The following GRIA2 variants were observed in gnomAD, a reference collection of about 807,000 sequenced individuals.
GRIA2 encodes the protein glutamate receptor 2.
GRIA2 carries 14 observed loss-of-function variants against 97.3 expected under a neutral mutation model. The observed-to-expected ratio is 0.14, with a 90% confidence interval of 0.10 to 0.23. GRIA2 has a LOEUF of 0.23. Ranked by LOEUF, GRIA2 falls within the 10% of genes least tolerant of loss-of-function variation. The pLI is 1.00. For synonymous variants in GRIA2, 412 were observed against 387.8 expected, an observed-to-expected ratio of 1.06 and a Z score of -0.73; for missense variants, 558 against 1,069.8, an observed-to-expected ratio of 0.52 and a Z score of 6.67.
chr4:157,286,744 G>A (rs970385586), intron 2 of GRIA2, among the ~76,000 whole-genome samples: 12 of 151,400 alleles, frequency 7.9e-5, no homozygotes, highest in East Asian at 1.9e-4. Context: ...AAATCAATAC[G>A]ATTATAGGTT....
chr4:157,357,511 A>T (rs1736436137), intron 12 of GRIA2, among the ~76,000 whole-genome samples: 1 of 152,166 alleles, frequency 6.6e-6, no homozygotes, highest in Non-Finnish European at 1.5e-5. Flanking sequence ...AGTCTGATTC[A>T]GTATCATCAA....
At chr4:157,339,259 G>T (rs187944521) in intron 11 of GRIA2, among the ~76,000 whole-genome samples, 2 of 151,892 alleles carry the variant, frequency 1.3e-5, no homozygotes, top group Admixed American at 6.6e-5. Context: ...TTTAAAAAAT[G>T]ATTTAGTAGG....
At chr4:157,245,131 T>C (rs1426089947) in intron 2 of GRIA2, among the ~76,000 whole-genome samples, 6 of 151,996 alleles carry the variant, frequency 3.9e-5, no homozygotes, top group African/African-American at 1.4e-4. Context: ...TTTTCAAACA[T>C]AGGATGGTAG....
At chr4:157,301,332 C>A (rs1190211046) in intron 2 of GRIA2, among the ~76,000 whole-genome samples, 4 of 152,162 alleles carry the variant, frequency 2.6e-5, no homozygotes, top group African/African-American at 7.2e-5. Context: ...TTATTTTCAA[C>A]TCTGTACCCA....
intron 6 of GRIA2, among the ~76,000 whole-genome samples, chr4:157,328,718 A>T (rs569889755): frequency 2.0e-5 from 3 of 152,132 alleles, no homozygotes; most frequent in Non-Finnish European, 4.4e-5. Flanking sequence ...AAGTTCCTGA[A>T]TATAAAATTC....
At chr4:157,307,740 G>A (rs1205791550) in intron 3 of GRIA2, among the ~76,000 whole-genome samples, 1 of 152,240 alleles carries the variant, frequency 6.6e-6, no homozygotes, top group African/African-American at 2.4e-5. Context: ...ACAGAGAGTA[G>A]GTAAAAACAG....
chr4:157,360,877 TG>T, intron 13 of GRIA2, 132 bp from the exon 14 acceptor site: 1 of 696,986 alleles, frequency 1.4e-6, no homozygotes, highest in South Asian at 1.6e-5. Flanking sequence ...CATATTATTG[TG>T]GCCTTTTTCC....
intron 2 of GRIA2, among the ~76,000 whole-genome samples, chr4:157,295,775 G>T (rs948081237): frequency 1.3e-5 from 2 of 152,050 alleles, no homozygotes; most frequent in African/African-American, 4.8e-5. Context: ...GAAATCACAG[G>T]TCTATTTTTA....
chr4:157,258,052 C>A (rs562687311), intron 2 of GRIA2, among the ~76,000 whole-genome samples: 3 of 152,178 alleles, frequency 2.0e-5, no homozygotes, highest in African/African-American at 7.2e-5. Context: ...ATCTCTTAAT[C>A]CCGTCATCTT....
intron 2 of GRIA2, among the ~76,000 whole-genome samples, chr4:157,272,849 C>T (rs1732096554): frequency 6.6e-6 from 1 of 151,982 alleles, no homozygotes; most frequent in Non-Finnish European, 1.5e-5. Flanking sequence ...AATGGAAAGG[C>T]ACATGTGAAG....
intron 3 of GRIA2, among the ~76,000 whole-genome samples, chr4:157,311,006 G>A (rs1734059641): frequency 6.6e-6 from 1 of 151,948 alleles, no homozygotes; most frequent in Non-Finnish European, 1.5e-5. Context: ...CTCTTTTTGG[G>A]TAGTTACCAG....
At position 157,307,317 on chromosome 4, in the gene GRIA2, C is replaced by T. The variant is rs535278140; in HGVS notation, c.469+3526C>T. On this transcript the variant is annotated intron_variant, in intron 3 of 15. Transcript: ENST00000264426. ...GAGCAACAGGCCAAGAGACTATATA[C>T]CACTTTTAAACAATTAGAGACATGG... Among the ~76,000 whole-genome samples, 9 of 152,306 alleles carry T rather than the reference C, an allele frequency of 5.9e-5. No homozygotes were observed. In the South Asian group the frequency reaches 1.9e-3, roughly 32 times the overall value.
rs148226050 is a variant in GRIA2 at position 157,342,223 on chromosome 4, G to A, written c.2043+761G>A. 395 of 982,210 alleles carry A rather than the reference G, an allele frequency of 4.0e-4. 2 individuals carry two copies. The highest frequency in any genetic ancestry group is 2.6e-3 in the African/African-American group (148 of 57,152). 60.8% of individuals were successfully genotyped at this position (982,210 alleles called of 1,614,324 possible). A position where few individuals can be genotyped will look rare whatever the true frequency, so the allele number is the denominator to read the frequency against. On this transcript the variant is annotated intron_variant, in intron 12 of 15. Transcript: ENST00000264426. ...TCTCTGATAATCTACAAATATATTC[G>A]AATATATCTGAGTTTCAGTGAAATC...
chr4:157,342,464 G>T (rs1417382495), intron 12 of GRIA2: 11 of 983,836 alleles, frequency 1.1e-5, no homozygotes, highest in Non-Finnish European at 1.2e-5. Flanking sequence ...GGACCTTGAT[G>T]AATTAATTAG....
intron 2 of GRIA2, among the ~76,000 whole-genome samples, chr4:157,249,043 C>T (rs572726678): frequency 2.0e-5 from 3 of 151,842 alleles, no homozygotes; most frequent in Non-Finnish European, 4.4e-5. Context: ...CTATGTTGCC[C>T]GGCCTGCTCT....
intron 12 of GRIA2, among the ~76,000 whole-genome samples, chr4:157,355,829 A>T: frequency 2.9e-5 from 2 of 70,050 alleles, no homozygotes; most frequent in Non-Finnish European, 5.5e-5. Context: ...ATATATTTAT[A>T]TATATTTTTA....
At chr4:157,308,828 G>A (rs1289760595) in intron 3 of GRIA2, among the ~76,000 whole-genome samples, 2 of 152,146 alleles carry the variant, frequency 1.3e-5, no homozygotes, top group African/African-American at 4.8e-5. Flanking sequence ...GAGGTCAAGA[G>A]CACAAATCTG....
chr4:157,220,375 G>A (rs1338550546), upstream of GRIA2: 1 of 152,208 alleles, frequency 6.6e-6, no homozygotes, highest in Admixed American at 6.5e-5. Context: ...AGGTAGCTCC[G>A]GGCGGGGAGC....
intron 13 of GRIA2, chr4:157,360,728 C>T (rs1400055825): frequency 1.9e-6 from 1 of 517,090 alleles, no homozygotes. Context: ...ATTCAAGACA[C>T]TGTTATTTGT....
Sources: gnomAD v4.1 joint callset for allele counts (sites outside exome capture counted in the v4.1 genomes callset) on GRCh38, gnomAD v4.1.1 for gene constraint, MANE v1.5 for transcripts, NCBI Gene and HGNC (gene_info 2026-07-23, HGNC 2026-07-21) for gene names.